Variants in POU2F2 observed in about 807,000 individuals in gnomAD.
POU2F2 encodes the protein POU class 2 homeobox 2, also known as POU domain, class 2, transcription factor 2.
POU2F2 carries 14 observed loss-of-function variants against 63.5 expected under a neutral mutation model. That is an observed-to-expected ratio of 0.22 (90% CI 0.15 to 0.34). POU2F2 has a LOEUF of 0.34. POU2F2 is among the 10% of genes least tolerant of loss of function. POU2F2 has a pLI of 1.00. For synonymous variants in POU2F2, 306 were observed against 348.6 expected (o/e 0.88, Z 1.36); for missense variants, 607 against 815.2 (o/e 0.74, Z 3.11).
intron 1 of POU2F2, among the ~76,000 whole-genome samples, chr19:42,163,134 T>C (rs759365928): frequency 6.6e-6 from 1 of 152,012 alleles, no homozygotes; most frequent in Non-Finnish European, 1.5e-5. Flanking sequence ...CTAACGACTA[T>C]GAGCAAGAGA....
chr19:42,185,682 A>T (rs1407930496), intron 1 of POU2F2, among the ~76,000 whole-genome samples: 1 of 152,206 alleles, frequency 6.6e-6, no homozygotes, highest in African/African-American at 2.4e-5. Flanking sequence ...ATGTTAATGT[A>T]AACCTCCAGT....
At chr19:42,119,308 C>T (rs901141063) in intron 4 of POU2F2, among the ~76,000 whole-genome samples, 1 of 152,118 alleles carries the variant, frequency 6.6e-6, no homozygotes, top group African/African-American at 2.4e-5. Context: ...TGCTAAGTTT[C>T]TGAAAGTTCA....
Position 42,139,223 on chromosome 19 carries a change from G to A in POU2F2, c.-8-16647C>T, listed in dbSNP as rs569258498. Among the ~76,000 whole-genome samples, 257 of 152,254 alleles carry A rather than the reference G, an allele frequency of 1.7e-3. 2 individuals carry two copies. The highest frequency in any genetic ancestry group is 2.2e-3 in the African/African-American group (93 of 41,552). ...TAGTCCCAGCTACTTGAGAAACTGA[G>A]GCAGGAAAATCGCTTGAACCCAGGA... On this transcript the variant is annotated intron_variant, in intron 2 of 6. Transcript: ENST00000524801.
intron 1 of POU2F2, among the ~76,000 whole-genome samples, chr19:42,173,559 GAA>G (rs76675837): frequency 6.8e-5 from 8 of 116,820 alleles, no homozygotes; most frequent in East Asian, 2.5e-4. Context: ...GGACTTGCTA[GAA>G]AAAAAAAAAA....
At chr19:42,134,919 C>CG (rs2033970773), upstream of POU2F2, among the ~76,000 whole-genome samples, 1 of 151,950 alleles carries the variant, frequency 6.6e-6, no homozygotes, top group Admixed American at 6.6e-5. Context: ...CGAGGTCCCC[C>CG]GGGGGCCCGG....
Position 42,117,488 on chromosome 19 carries a change from G to A in POU2F2, c.187-56C>T. 4.1e-6 allele frequency: 3 copies of A among 738,626 alleles called. No individual in the cohort carries two copies. Among genetic ancestry groups the A allele is most frequent in the South Asian group, 1.7e-5 (1 of 60,456 alleles). 45.8% of individuals were successfully genotyped at this position (738,626 alleles called of 1,614,324 possible). Reference sequence around the variant, plus strand: ...CAATGGCAATCAGGCTGGCACAGGAGGAGCAGACTGGGGTGTGGACATGAG... The same window carrying A: ...CAATGGCAATCAGGCTGGCACAGGAAGAGCAGACTGGGGTGTGGACATGAG... On this transcript the variant is annotated intron_variant, in intron 4 of 14. Transcript: ENST00000692977. The surrounding 1 kb of genome is among the most constrained non-coding windows in gnomAD (Gnocchi z 4.4).
intron 1 of POU2F2, among the ~76,000 whole-genome samples, chr19:42,161,203 A>C (rs2034545238): frequency 6.6e-6 from 1 of 152,192 alleles, no homozygotes; most frequent in African/African-American, 2.4e-5. Context: ...AATTTTAATC[A>C]GAGAAAGAAC....
chr19:42,173,559 G>GA (rs76675837), intron 1 of POU2F2, among the ~76,000 whole-genome samples: 1,830 of 116,638 alleles, frequency 0.016, 11 homozygotes, highest in African/African-American at 0.017. Context: ...GGACTTGCTA[G>GA]AAAAAAAAAA....
chr19:42,136,363 T>C (rs1204015808), upstream of POU2F2, among the ~76,000 whole-genome samples: 1 of 151,928 alleles, frequency 6.6e-6, no homozygotes, highest in Non-Finnish European at 1.5e-5. Context: ...TTTGTATTTT[T>C]AGTAGAGACA....
At position 42,093,136 on chromosome 19, in the gene POU2F2, G is replaced by A. The variant is rs932256510; in HGVS notation, c.1264+693C>T. Among the ~76,000 whole-genome samples, 9 of 149,134 alleles carry A rather than the reference G, an allele frequency of 6.0e-5. No homozygotes were observed. In the East Asian group the frequency reaches 1.2e-3, roughly 20 times the overall value. Reference sequence around the variant, plus strand: ...AGTGATTCTCCTGCCTCAGCCTCCCGAGTAGCTGGGATTACAGACACACGC... The same window carrying A: ...AGTGATTCTCCTGCCTCAGCCTCCCAAGTAGCTGGGATTACAGACACACGC... On this transcript the variant is annotated intron_variant, in intron 12 of 14. Transcript: ENST00000692977.
intron 1 of POU2F2, among the ~76,000 whole-genome samples, chr19:42,125,380 G>A (rs546849890): frequency 4.0e-4 from 56 of 139,626 alleles, no homozygotes; most frequent in Non-Finnish European, 7.5e-4. Flanking sequence ...AAAAAAAGAT[G>A]TAGACTGTTG....
chr19:42,099,293 T>G, intron 7 of POU2F2: 1 of 513,952 alleles, frequency 1.9e-6, no homozygotes. Flanking sequence ...AAGGAGCTCA[T>G]GTACTAGAAA....
At chr19:42,149,268 G>A (rs1046034464) in intron 2 of POU2F2, among the ~76,000 whole-genome samples, 1 of 152,144 alleles carries the variant, frequency 6.6e-6, no homozygotes, top group African/African-American at 2.4e-5. Context: ...CTCCATCTCT[G>A]CGAGTGTAGA....
intron 1 of POU2F2, among the ~76,000 whole-genome samples, chr19:42,130,047 C>T (rs926147301): frequency 6.6e-6 from 1 of 152,290 alleles, no homozygotes; most frequent in South Asian, 2.1e-4. Context: ...CACACCCAAA[C>T]GTGCGTACAC....
At chr19:42,159,815 A>C (rs1376313706) in intron 2 of POU2F2, among the ~76,000 whole-genome samples, 1 of 152,186 alleles carries the variant, frequency 6.6e-6, no homozygotes, top group Non-Finnish European at 1.5e-5. Context: ...CCATGTGGTA[A>C]ATGCTATTAA....
At chr19:42,100,156 A>C (rs1211366721) in intron 5 of POU2F2, among the ~76,000 whole-genome samples, 1 of 110,768 alleles carries the variant, frequency 9.0e-6, no homozygotes, top group African/African-American at 3.6e-5. Flanking sequence ...CAGTGGTGTG[A>C]TCTCGGCTCA....
chr19:42,121,986 A>G (rs1013445624), intron 4 of POU2F2, 140 bp downstream of exon 4: 3 of 886,828 alleles, frequency 3.4e-6, no homozygotes, highest in Non-Finnish European at 3.6e-6. Flanking sequence ...TGGGAGCCCA[A>G]GAGTGAGAAG....
intron 1 of POU2F2, among the ~76,000 whole-genome samples, chr19:42,194,255 G>A (rs1390155268): frequency 6.6e-6 from 1 of 151,710 alleles, no homozygotes; most frequent in African/African-American, 2.4e-5. Context: ...GTGTGGTGGT[G>A]CATGCCTGTA....
At chr19:42,097,884 C>T (rs562868591) in intron 7 of POU2F2, among the ~76,000 whole-genome samples, 1 of 152,312 alleles carries the variant, frequency 6.6e-6, no homozygotes, top group South Asian at 2.1e-4. Flanking sequence ...GAAGCGTAGG[C>T]TTTTAGTGTA....
Sources: allele counts gnomAD v4.1 joint callset (sites outside exome capture counted in the v4.1 genomes callset), GRCh38; gene constraint gnomAD v4.1.1; non-coding constraint Gnocchi (gnomAD v3.1); transcripts MANE v1.5; gene names NCBI Gene and HGNC (gene_info 2026-07-23, HGNC 2026-07-21).